Variants in PTPRD observed in about 807,000 individuals in gnomAD.
The protein encoded by PTPRD is receptor-type tyrosine-protein phosphatase delta.
A neutral mutation model predicts 214.5 loss-of-function variants in PTPRD; 34 were observed. The observed-to-expected ratio is 0.16, with a 90% CI of 0.12 to 0.21. The LOEUF is 0.21. PTPRD is among the 10% of genes least tolerant of loss of function. The pLI is 1.00. For missense variants in PTPRD, 2,545 were observed against 2,398.7 expected, an observed-to-expected ratio of 1.06 and a Z score of -1.27; for synonymous variants, 1,128 against 845.7, an observed-to-expected ratio of 1.33 and a Z score of -5.79.
In PTPRD at chr9:10,440,346, A is replaced by G. The variant is rs148877764; in HGVS notation, c.-599-99329T>C. ...GTTAGTGCTATGAATTTTTAAAAAG[A>G]GCTTCTTCAAAATACAATTTGCTAT... On this transcript the variant is annotated intron_variant, in intron 2 of 45. Transcript: ENST00000381196. 3.9e-3 allele frequency among the ~76,000 whole-genome samples: 586 copies of G among 151,936 alleles called. 8 individuals are homozygous for G. Among genetic ancestry groups the G allele is most frequent in the African/African-American group, 9.5e-3 (393 of 41,536 alleles).
chr9:9,199,057 T>C (rs1314877674), intron 9 of PTPRD, among the ~76,000 whole-genome samples: 3 of 152,168 alleles, frequency 2.0e-5, no homozygotes, highest in Admixed American at 2.0e-4. Context: ...TCAAGTGTTA[T>C]CTACAAGGCT....
chr9:10,458,975 G>A (rs779350148), intron 2 of PTPRD, among the ~76,000 whole-genome samples: 4 of 152,130 alleles, frequency 2.6e-5, no homozygotes, highest in South Asian at 2.1e-4. Context: ...AGTTACACAC[G>A]TTCCGTGGTG....
At chr9:10,565,698 T>C (rs947492580) in intron 2 of PTPRD, among the ~76,000 whole-genome samples, 1 of 152,104 alleles carries the variant, frequency 6.6e-6, no homozygotes, top group Non-Finnish European at 1.5e-5. Context: ...GCAACCTAGC[T>C]TACTATAGCC....
chr9:8,894,303 C>T (rs937745465), intron 11 of PTPRD, among the ~76,000 whole-genome samples: 1 of 128,886 alleles, frequency 7.8e-6, no homozygotes, highest in Non-Finnish European at 1.6e-5. Context: ...TTCAGTGAGC[C>T]AACATCACCC....
At chr9:9,779,605 T>G (rs2098827152) in intron 5 of PTPRD, among the ~76,000 whole-genome samples, 1 of 152,122 alleles carries the variant, frequency 6.6e-6, no homozygotes, top group East Asian at 1.9e-4. Flanking sequence ...ATATAAAAAA[T>G]GCTCAACATC....
rs999639085 is a variant in PTPRD at position 8,355,292 on chromosome 9, C to T, written c.4662-13314G>A. On this transcript the variant is annotated intron_variant, in intron 39 of 45. Transcript: ENST00000381196. ...CCTCAACAGAAGCAAATGCCAGTAT[C>T]ACGCTTGCTGTACTGCCTGCCAGAA... 3.3e-5 allele frequency among the ~76,000 whole-genome samples: 5 copies of T among 152,318 alleles called. No individual in the cohort carries two copies. In the East Asian group the frequency reaches 9.6e-4, roughly 29 times the overall value.
chr9:8,463,860 T>C (rs956519544), intron 32 of PTPRD, among the ~76,000 whole-genome samples: 2 of 151,882 alleles, frequency 1.3e-5, no homozygotes, highest in African/African-American at 4.8e-5. Flanking sequence ...ATTTGAGGCT[T>C]ACACAAAGGC....
chr9:9,530,660 T>C (rs2075260876), intron 8 of PTPRD, among the ~76,000 whole-genome samples: 1 of 152,162 alleles, frequency 6.6e-6, no homozygotes, highest in South Asian at 2.1e-4. Context: ...AAGAAAATGT[T>C]GTGTGTCACA....
At chr9:9,466,118 G>C (rs10977787) in intron 8 of PTPRD, among the ~76,000 whole-genome samples, 72,302 of 151,272 alleles carry the variant, frequency 0.48, 17,617 homozygotes, top group East Asian at 0.67. Context: ...GACCAGCCTG[G>C]CCAACATGGC....
intron 5 of PTPRD, among the ~76,000 whole-genome samples, chr9:9,857,712 T>G (rs1207298175): frequency 6.6e-6 from 1 of 152,200 alleles, no homozygotes; most frequent in Non-Finnish European, 1.5e-5. Flanking sequence ...AGTTGGCTAC[T>G]TTTTGAGCAG....
At chr9:8,515,964 C>T (rs2097774870) in intron 21 of PTPRD, among the ~76,000 whole-genome samples, 1 of 152,142 alleles carries the variant, frequency 6.6e-6, no homozygotes, top group East Asian at 1.9e-4. Context: ...CCTAAGGTGA[C>T]AGCTAATAAA....
At position 9,595,121 on chromosome 9, in the gene PTPRD, C is replaced by T. The variant is rs996005193; in HGVS notation, c.-286-20340G>A. On this transcript the variant is annotated intron_variant, in intron 7 of 45. Transcript: ENST00000381196. ...GCGTAGATGCGGTGAACAGGGAACG[C>T]TTCTACGCTGCTGATGGGAATGTAA... Among the ~76,000 whole-genome samples, 8 of 151,730 alleles carry T rather than the reference C, an allele frequency of 5.3e-5. No homozygotes were observed. The South Asian group carries it at 1.5e-3, about 28-fold the overall frequency.
chr9:9,537,113 A>T (rs2076685473), intron 8 of PTPRD, among the ~76,000 whole-genome samples: 2 of 151,936 alleles, frequency 1.3e-5, no homozygotes, highest in Non-Finnish European at 1.5e-5. Context: ...TAAAGGGGAC[A>T]TGATGCATCA....
intron 5 of PTPRD, among the ~76,000 whole-genome samples, chr9:9,847,017 T>A (rs2059666027): frequency 1.3e-5 from 2 of 152,106 alleles, no homozygotes; most frequent in African/African-American, 4.8e-5. Flanking sequence ...AAATAAAGCA[T>A]CCAGACATTC....
At chr9:8,621,191 T>C (rs1290316123) in intron 14 of PTPRD, among the ~76,000 whole-genome samples, 4 of 151,824 alleles carry the variant, frequency 2.6e-5, no homozygotes, top group Non-Finnish European at 4.4e-5. Flanking sequence ...CCCTCCACCA[T>C]TCTGAGAGAG....
rs1213747202 is a variant in PTPRD at position 9,843,746 on chromosome 9, AAAC to A, written c.-367-76898_-367-76896del. Among the ~76,000 whole-genome samples the A allele has an allele frequency of 3.3e-5, 5 of 152,174 alleles. No individual in the cohort carries two copies. The East Asian group carries it at 9.6e-4, about 29-fold the overall frequency. On this transcript the variant is annotated intron_variant, in intron 5 of 45. Coordinates refer to ENST00000381196, the MANE Select transcript of PTPRD (RefSeq NM_002839.4). ...TCAACATAAGCAAAAATATGTATAA[AAAC>A]AAGATATAAATTGCTGATTAAATAA...
chr9:9,673,925 T>C (rs2096879817), intron 7 of PTPRD, among the ~76,000 whole-genome samples: 1 of 151,810 alleles, frequency 6.6e-6, no homozygotes, highest in South Asian at 2.1e-4. Flanking sequence ...TATAGAACAC[T>C]ATACTTTCCA....
chr9:9,160,357 T>A (rs2099885635), intron 10 of PTPRD, among the ~76,000 whole-genome samples: 1 of 152,094 alleles, frequency 6.6e-6, no homozygotes, highest in African/African-American at 2.4e-5. Flanking sequence ...ATAACCTGAT[T>A]AAAAATGGGC....
At chr9:9,274,239 G>C (rs923574998) in intron 9 of PTPRD, among the ~76,000 whole-genome samples, 5 of 151,176 alleles carry the variant, frequency 3.3e-5, no homozygotes, top group African/African-American at 1.2e-4. Flanking sequence ...CATATACACA[G>C]TCTTGTGTTT....
Sources: gnomAD v4.1 joint callset for allele counts (sites outside exome capture counted in the v4.1 genomes callset) on GRCh38, gnomAD v4.1.1 for gene constraint, MANE v1.5 for transcripts, NCBI Gene and HGNC (gene_info 2026-07-23, HGNC 2026-07-21) for gene names.